VRK2: variants seen among roughly 807,000 people sequenced by gnomAD.
The protein encoded by VRK2 is serine/threonine-protein kinase VRK2.
VRK2 carries 60 observed loss-of-function variants against 57.6 expected under a neutral mutation model. The observed-to-expected ratio is 1.04, with a 90% CI of 0.85 to 1.29. The LOEUF (loss-of-function observed/expected upper bound fraction) is 1.29, where lower values mean the gene tolerates loss of function less well. Ranked by LOEUF, VRK2 falls within the 50% of genes most tolerant of loss-of-function variation. The probability of loss-of-function intolerance (pLI) is 0.00; values close to 1 mark genes in which losing one functional copy is unlikely to be tolerated. For missense variants in VRK2, 705 were observed against 588.1 expected, an observed-to-expected ratio of 1.20 and a Z score of -2.06; for synonymous variants, 231 against 199.2, an observed-to-expected ratio of 1.16 and a Z score of -1.35.
chr2:57,939,700 C>G (rs1331772806), intron 1 of VRK2, among the ~76,000 whole-genome samples: 7 of 152,162 alleles, frequency 4.6e-5, no homozygotes, highest in Non-Finnish European at 1.0e-4. Context: ...AAAAGTGTAT[C>G]AGTTAACAAT....
intron 1 of VRK2, among the ~76,000 whole-genome samples, chr2:58,020,367 G>A (rs1673714266): frequency 6.6e-6 from 1 of 152,050 alleles, no homozygotes; most frequent in African/African-American, 2.4e-5. Context: ...CACCATGTCT[G>A]GCTAATTTTT....
At chr2:57,916,581 A>G (rs1670160923) in intron 1 of VRK2, among the ~76,000 whole-genome samples, 5 of 151,968 alleles carry the variant, frequency 3.3e-5, no homozygotes, top group Admixed American at 3.3e-4. Context: ...AATTTTTTTC[A>G]TGTATGATAT....
chr2:58,104,682 A>G (rs1421472976), intron 7 of VRK2, among the ~76,000 whole-genome samples: 12 of 151,842 alleles, frequency 7.9e-5, no homozygotes. Flanking sequence ...TACAAGCATC[A>G]TTTTTCACAG....
chr2:57,925,619 A>G (rs1670506100), intron 1 of VRK2, among the ~76,000 whole-genome samples: 1 of 150,548 alleles, frequency 6.6e-6, no homozygotes, highest in Non-Finnish European at 1.5e-5. Context: ...AGGTTTGTCT[A>G]CTTTATCTTT....
chr2:58,145,850 C>T (rs989025475), intron 11 of VRK2, among the ~76,000 whole-genome samples: 4 of 151,972 alleles, frequency 2.6e-5, no homozygotes, highest in African/African-American at 9.7e-5. Flanking sequence ...TCAATTCCCA[C>T]GTATGAGTGA....
At chr2:58,040,385 T>C (rs1674409091) in intron 3 of VRK2, among the ~76,000 whole-genome samples, 1 of 152,206 alleles carries the variant, frequency 6.6e-6, no homozygotes, top group South Asian at 2.1e-4. Flanking sequence ...AAAATAAATC[T>C]GAATATAACA....
At chr2:57,931,878 C>A (rs745560458) in intron 1 of VRK2, among the ~76,000 whole-genome samples, 4 of 150,884 alleles carry the variant, frequency 2.7e-5, no homozygotes, top group Non-Finnish European at 5.9e-5. Context: ...AAGAGACTAC[C>A]TTTTACTTAT....
intron 8 of VRK2, among the ~76,000 whole-genome samples, chr2:58,125,493 A>T (rs1015152903): frequency 3.3e-5 from 5 of 152,080 alleles, no homozygotes; most frequent in Non-Finnish European, 7.4e-5. Context: ...TCACAGAATG[A>T]TCACAGAAAG....
intron 12 of VRK2, among the ~76,000 whole-genome samples, chr2:58,155,023 G>A (rs1488179720): frequency 1.3e-5 from 2 of 151,934 alleles, no homozygotes; most frequent in East Asian, 3.9e-4. Context: ...AATTTGTTAG[G>A]GTTTGTTTTA....
chr2:58,154,599 A>G (rs1414776891), intron 12 of VRK2, among the ~76,000 whole-genome samples: 4 of 151,850 alleles, frequency 2.6e-5, no homozygotes, highest in African/African-American at 9.7e-5. Flanking sequence ...GATATGTTGT[A>G]TTTTTATTTC....
At chr2:58,038,376 A>C (rs1355571135) in intron 3 of VRK2, among the ~76,000 whole-genome samples, 2 of 152,164 alleles carry the variant, frequency 1.3e-5, no homozygotes, top group Non-Finnish European at 2.9e-5. Flanking sequence ...TAAACTACCC[A>C]GTCTCAGATA....
At chr2:57,970,182 T>C (rs1303768426) in intron 1 of VRK2, among the ~76,000 whole-genome samples, 1 of 148,366 alleles carries the variant, frequency 6.7e-6, no homozygotes, top group Non-Finnish European at 1.5e-5. Context: ...AAATCATAAA[T>C]AATATAACAT....
At chr2:58,068,020 C>T (rs532808193) in intron 2 of VRK2, among the ~76,000 whole-genome samples, 32 of 152,080 alleles carry the variant, frequency 2.1e-4, no homozygotes, top group African/African-American at 7.5e-4. Flanking sequence ...GCCTGCACCT[C>T]CTGGGTTCAA....
intron 1 of VRK2, among the ~76,000 whole-genome samples, chr2:57,908,628 C>G (rs1302335079): frequency 6.6e-6 from 1 of 152,084 alleles, no homozygotes; most frequent in Non-Finnish European, 1.5e-5. Flanking sequence ...TCCACACTAC[C>G]ATATTTTACT....
chr2:58,104,931 A>T (rs1674526157), intron 7 of VRK2, among the ~76,000 whole-genome samples: 1 of 151,962 alleles, frequency 6.6e-6, no homozygotes, highest in Non-Finnish European at 1.5e-5. Context: ...GTGATTGTTG[A>T]TAGAGTCAAC....
At chr2:57,991,113 T>C (rs1672753126) in intron 1 of VRK2, among the ~76,000 whole-genome samples, 6 of 152,072 alleles carry the variant, frequency 3.9e-5, no homozygotes, top group Admixed American at 3.9e-4. Context: ...TGTGAACAGA[T>C]TCTATATTTA....
chr2:58,077,413 GA>G (rs1245648280), intron 2 of VRK2, among the ~76,000 whole-genome samples: 6 of 151,966 alleles, frequency 3.9e-5, no homozygotes, highest in Non-Finnish European at 2.9e-5. Flanking sequence ...CTTATCTGAA[GA>G]ATTCCTGCCC....
intron 1 of VRK2, among the ~76,000 whole-genome samples, chr2:57,998,152 G>A (rs546433540): frequency 2.0e-5 from 3 of 152,182 alleles, no homozygotes; most frequent in East Asian, 1.9e-4. Flanking sequence ...AGGGTTGAGC[G>A]GAACTGTTGC....
At chr2:58,025,030 G>A (rs751092620) in intron 1 of VRK2, among the ~76,000 whole-genome samples, 1 of 152,148 alleles carries the variant, frequency 6.6e-6, no homozygotes, top group African/African-American at 2.4e-5. Context: ...GGCAAAGTAC[G>A]CTTCATATGG....
Sources: allele counts gnomAD v4.1 joint callset (sites outside exome capture counted in the v4.1 genomes callset), GRCh38; gene constraint gnomAD v4.1.1; transcripts MANE v1.5; gene names NCBI Gene and HGNC (gene_info 2026-07-23, HGNC 2026-07-21).